CDR2: variants seen among roughly 807,000 people sequenced by gnomAD.
The protein encoded by CDR2 is cerebellar degeneration related protein 2, also known as cerebellar degeneration-related protein 2.
A neutral mutation model predicts 48.4 loss-of-function variants in CDR2; 34 were observed. That is an observed-to-expected ratio of 0.70 (90% CI 0.53 to 0.94). The LOEUF (loss-of-function observed/expected upper bound fraction) is 0.94. Among genes scored for constraint, CDR2 ranks in the 40% least tolerant of loss-of-function variants. The pLI is 0.00. For synonymous variants in CDR2, 240 were observed against 219.7 expected (o/e 1.09, Z -0.82); for missense variants, 498 against 549.5 (o/e 0.91, Z 0.94).
At chr16:22,352,306 G>A (rs1237602978) in intron 2 of CDR2, among the ~76,000 whole-genome samples, 1 of 151,798 alleles carries the variant, frequency 6.6e-6, no homozygotes, top group African/African-American at 2.4e-5. Context: ...GATTTGCAAG[G>A]CTAACAAACA....
In CDR2 at chr16:22,347,126, C is replaced by A. The variant is rs563641354; in HGVS notation, c.1204G>T (p.Gly402Cys). Reference sequence around the variant, plus strand: ...GGGTTGACAGAGGCCAGTTCCCAGCCGCTGGCAACAGGCTCAGACTGGGCG... The same window carrying A: ...GGGTTGACAGAGGCCAGTTCCCAGCAGCTGGCAACAGGCTCAGACTGGGCG... ...VNAQSEPVAS[G>C]WELASVNPEP... The change falls in exon 5 of 5, where the codon GGC becomes TGC. Residue 402 changes from glycine to cysteine, a missense_variant. Gly to Cys is a radical substitution (Grantham distance 159, BLOSUM62 -3). Coordinates refer to ENST00000268383, the MANE Select transcript of CDR2 (RefSeq NM_001802.2). 8.1e-6 allele frequency: 13 copies of A among 1,614,112 alleles called. No homozygotes were observed. The highest frequency in any genetic ancestry group is 5.0e-5 in the Admixed American group (3 of 60,004).
At chr16:22,373,563 G>A (rs1477348530) in intron 1 of CDR2, among the ~76,000 whole-genome samples, 2 of 152,180 alleles carry the variant, frequency 1.3e-5, no homozygotes, top group African/African-American at 2.4e-5. Flanking sequence ...TATGGAAAAT[G>A]GGATAACAAA....
At position 22,349,819 on chromosome 16, in the gene CDR2, G is replaced by T. The variant is rs759728839; in HGVS notation, c.223C>A (p.Gln75Lys). The T allele has an allele frequency of 1.2e-5, 19 of 1,613,958 alleles. No homozygotes were observed. Among genetic ancestry groups the T allele is most frequent in the Non-Finnish European group, 1.6e-5 (19 of 1,179,930 alleles). The change falls in exon 3 of 5, where the codon CAG becomes AAG. Residue 75 changes from glutamine (Q) to lysine (K), a missense_variant. By Grantham distance (53) the Gln-to-Lys change is moderately conservative (BLOSUM62 1). Transcript: ENST00000268383. ...YLTKQVELLR[Q>K]MNEQHAKVYE... ...ACCTTTGCATGTTGTTCGTTCATCTGCCGTAGAAGTTCCACTTGCTTCGTC... is the reference window on the plus strand; with the variant it reads ...ACCTTTGCATGTTGTTCGTTCATCTTCCGTAGAAGTTCCACTTGCTTCGTC...
At chr16:22,373,395 G>A (rs1330872121) in intron 1 of CDR2, among the ~76,000 whole-genome samples, 1 of 152,102 alleles carries the variant, frequency 6.6e-6, no homozygotes. Flanking sequence ...ACAGCTTAAC[G>A]CCCAACTGAA....
intron 2 of CDR2, among the ~76,000 whole-genome samples, chr16:22,354,768 C>T (rs1335377321): frequency 1.3e-5 from 2 of 152,014 alleles, no homozygotes; most frequent in Admixed American, 6.6e-5. Context: ...GTGGCACACG[C>T]CTGTAGTCCC....
chr16:22,368,719 A>C (rs146761786), intron 1 of CDR2: 1 of 152,336 alleles, frequency 6.6e-6, no homozygotes, highest in East Asian at 1.9e-4. Context: ...CAGAGTTTTA[A>C]GGCAATTGAA....
In CDR2 at chr16:22,347,398, C is replaced by T; in HGVS notation, c.932G>A (p.Ser311Asn). Residue 311 changes from serine (S) to asparagine (N), a missense_variant, in exon 5 of 5, where the codon AGT becomes AAT. Ser to Asn is a conservative substitution (Grantham distance 46). Coordinates refer to ENST00000268383, the MANE Select transcript of CDR2 (RefSeq NM_001802.2). ...TGCCAAGCTGCTGAGGATCGTCTCA[C>T]TGCTGCTGCGCTTGAGAGGCTTTCT... ...SHRKPLKRSS[S>N]ETILSSLAGS... The T allele has an allele frequency of 6.2e-7, 1 of 1,614,226 alleles. No homozygotes were observed. Among genetic ancestry groups the T allele is most frequent in the Non-Finnish European group, 8.5e-7 (1 of 1,180,036 alleles).
At chr16:22,357,592 T>C (rs2048983707) in intron 2 of CDR2, among the ~76,000 whole-genome samples, 1 of 152,226 alleles carries the variant, frequency 6.6e-6, no homozygotes, top group Admixed American at 6.5e-5. Context: ...CTCTCCCCGC[T>C]TTTCCATTTA....
In CDR2 at chr16:22,374,429, C is replaced by T; in HGVS notation, c.-120G>A. On this transcript the variant is annotated 5_prime_UTR_variant, in exon 1 of 5. Coordinates refer to ENST00000268383, the MANE Select transcript of CDR2 (RefSeq NM_001802.2). ...GCCGCCCTCGGGCGGGACGCGCCGC[C>T]GCCCAGACTCCGCTGCGCCGCCTCA... 2.3e-6 allele frequency: 1 copy of T among 443,248 alleles called. No homozygotes were observed. The highest frequency in any genetic ancestry group is 3.7e-6 in the Non-Finnish European group (1 of 270,844). The allele number at this position is 443,248 out of a possible 1,614,324, so 27.5% of individuals were successfully genotyped here. A position where few individuals can be genotyped will look rare whatever the true frequency, so the allele number is the denominator to read the frequency against.
At chr16:22,354,526 C>T (rs973686903) in intron 2 of CDR2, among the ~76,000 whole-genome samples, 1 of 152,170 alleles carries the variant, frequency 6.6e-6, no homozygotes, top group Non-Finnish European at 1.5e-5. Context: ...GTGATCCTTC[C>T]TAACTTCTCA....
chr16:22,372,721 C>A (rs2049086573), intron 1 of CDR2, among the ~76,000 whole-genome samples: 1 of 152,186 alleles, frequency 6.6e-6, no homozygotes, highest in Non-Finnish European at 1.5e-5. Context: ...CACTGCACTG[C>A]AACCACTAAG....
Position 22,360,739 on chromosome 16 carries a change from C to CTT in CDR2, c.192+4161_192+4162dup, listed in dbSNP as rs201976962. Among the ~76,000 whole-genome samples the CTT allele has an allele frequency of 7.1e-3, 523 of 74,134 alleles. 92 individuals are homozygous for CTT. The highest frequency in any genetic ancestry group is 0.011 in the Non-Finnish European group (378 of 35,386). The allele number at this position is 74,134 out of a possible 152,430, so 48.6% of individuals were successfully genotyped here. On this transcript the variant is annotated intron_variant, in intron 2 of 4. Coordinates refer to ENST00000268383, the MANE Select transcript of CDR2 (RefSeq NM_001802.2). Reference sequence around the variant, plus strand: ...TATTTTTCTGAATTAAAAAAATGATCTTTTTTTTTTTTTTTTTTTTTTTTT... The same window carrying CTT: ...TATTTTTCTGAATTAAAAAAATGATCTTTTTTTTTTTTTTTTTTTTTTTTTTT...
intron 2 of CDR2, among the ~76,000 whole-genome samples, chr16:22,355,446 A>T (rs1567345656): frequency 6.6e-6 from 1 of 152,218 alleles, no homozygotes; most frequent in Admixed American, 6.5e-5. Flanking sequence ...ACATGGATGA[A>T]TTTAAAGGGT....
rs762270424 is a variant in CDR2, at chr16:22,364,964, C to G, written c.130G>C (p.Glu44Gln). Reference protein sequence around the residue: ...LGKTLLDRNTELEDSVQQMYT... With the variant: ...LGKTLLDRNTQLEDSVQQMYT... Reference sequence around the variant, plus strand: ...ATCTGCTGAACAGAGTCCTCCAACTCTGTGTTCCGATCCAGTAATGTCTTC... The same window carrying G: ...ATCTGCTGAACAGAGTCCTCCAACTGTGTGTTCCGATCCAGTAATGTCTTC... The change falls in exon 2 of 5, where the codon GAG becomes CAG. Residue 44 changes from glutamate to glutamine, a missense_variant. Coordinates refer to ENST00000268383, the MANE Select transcript of CDR2 (RefSeq NM_001802.2). 3.1e-6 allele frequency: 5 copies of G among 1,613,922 alleles called. No individual in the cohort carries two copies. In the South Asian group the frequency reaches 5.5e-5, roughly 18 times the overall value.
intron 2 of CDR2, among the ~76,000 whole-genome samples, chr16:22,350,327 C>T (rs540746704): frequency 2.0e-5 from 3 of 152,348 alleles, no homozygotes; most frequent in African/African-American, 7.2e-5. Context: ...TGCCCAGAAG[C>T]TCCTTTAGAC....
chr16:22,355,168 A>C (rs1375457795), intron 2 of CDR2, among the ~76,000 whole-genome samples: 1 of 152,256 alleles, frequency 6.6e-6, no homozygotes, highest in Admixed American at 6.5e-5. Context: ...TAATTCCTTA[A>C]CATCTATTAC....
chr16:22,366,792 G>C (rs1248350508), intron 1 of CDR2, among the ~76,000 whole-genome samples: 1 of 152,112 alleles, frequency 6.6e-6, no homozygotes, highest in East Asian at 1.9e-4. Context: ...TGTTATACAG[G>C]GTGAATGGGA....
Position 22,347,146 on chromosome 16 carries a change from T to C in CDR2, c.1184A>G (p.Gln395Arg). 2 of 1,614,242 alleles carry C rather than the reference T, an allele frequency of 1.2e-6. No individual in the cohort carries two copies. Among genetic ancestry groups the C allele is most frequent in the South Asian group, 1.1e-5 (1 of 91,088 alleles). Residue 395 changes from glutamine (Q) to arginine (R), a missense_variant, in exon 5 of 5, where the codon CAG becomes CGG. Coordinates refer to ENST00000268383, the MANE Select transcript of CDR2 (RefSeq NM_001802.2). ...AAKDLTGVNA[Q>R]SEPVASGWEL... is the part of the protein sequence containing the mutation. ...CCAGCCGCTGGCAACAGGCTCAGAC[T>C]GGGCGTTCACTCCAGTCAGGTCCTT...
intron 2 of CDR2, among the ~76,000 whole-genome samples, chr16:22,362,214 A>G (rs757802204): frequency 3.3e-5 from 5 of 152,134 alleles, no homozygotes; most frequent in Non-Finnish European, 5.9e-5. Context: ...TTTTATACCT[A>G]TTTAATCATG....
Sources: allele counts gnomAD v4.1 joint callset (sites outside exome capture counted in the v4.1 genomes callset), GRCh38; gene constraint gnomAD v4.1.1; transcripts MANE v1.5; gene names NCBI Gene and HGNC (gene_info 2026-07-23, HGNC 2026-07-21).